The following ZNRF2 variants were observed in gnomAD, a reference collection of about 807,000 sequenced individuals.
ZNRF2 encodes the protein zinc and ring finger 2.
A neutral mutation model predicts 20.4 loss-of-function variants in ZNRF2; 16 were observed. That is an observed-to-expected ratio of 0.79 (90% CI 0.53 to 1.19). The LOEUF is 1.19. Ranked by LOEUF, ZNRF2 falls within the 50% of genes most tolerant of loss-of-function variation. The probability of loss-of-function intolerance (pLI) is 0.00; values close to 1 mark genes in which losing one functional copy is unlikely to be tolerated. For missense variants in ZNRF2, 363 were observed against 332.4 expected, an observed-to-expected ratio of 1.09 and a Z score of -0.72; for synonymous variants, 178 against 144.9, an observed-to-expected ratio of 1.23 and a Z score of -1.64.
chr7:30,325,138 A>G (rs915201918), intron 2 of ZNRF2, among the ~76,000 whole-genome samples: 1 of 152,220 alleles, frequency 6.6e-6, no homozygotes, highest in African/African-American at 2.4e-5. Context: ...TGGGGGGGAA[A>G]AATCAAGTAG....
chr7:30,363,821 GTTAAC>G (rs1371610073), intron 4 of ZNRF2, among the ~76,000 whole-genome samples: 1 of 151,968 alleles, frequency 6.6e-6, no homozygotes, highest in East Asian at 1.9e-4. Context: ...AAAAATAAAG[GTTAAC>G]TTAATTGCTA....
chr7:30,342,717 C>T (rs1225200933), intron 2 of ZNRF2, among the ~76,000 whole-genome samples: 5 of 151,922 alleles, frequency 3.3e-5, no homozygotes, highest in Admixed American at 6.6e-5. Flanking sequence ...ATTTTTCTTT[C>T]TTGTTTTTCA....
chr7:30,309,901 A>G (rs1302843703), intron 1 of ZNRF2, among the ~76,000 whole-genome samples: 3 of 152,200 alleles, frequency 2.0e-5, no homozygotes, highest in Non-Finnish European at 2.9e-5. Flanking sequence ...GAAGAAAACA[A>G]GATACATGGC....
intron 2 of ZNRF2, among the ~76,000 whole-genome samples, chr7:30,337,413 T>C: frequency 6.6e-6 from 1 of 152,204 alleles, no homozygotes; most frequent in East Asian, 1.9e-4. Flanking sequence ...ACTTTATTAC[T>C]CATAGCAATA....
intron 2 of ZNRF2, among the ~76,000 whole-genome samples, chr7:30,329,636 T>C (rs1654814550): frequency 6.6e-6 from 1 of 152,236 alleles, no homozygotes; most frequent in Admixed American, 6.5e-5. Flanking sequence ...ATGACAGATT[T>C]CATTCATTTG....
intron 2 of ZNRF2, among the ~76,000 whole-genome samples, chr7:30,354,126 T>C (rs1800000544): frequency 6.6e-6 from 1 of 151,430 alleles, no homozygotes; most frequent in South Asian, 2.1e-4. Context: ...CAGGATGGGG[T>C]AGGAGTAGTG....
chr7:30,289,664 G>A (rs1286829654), intron 1 of ZNRF2: 1 of 426,338 alleles, frequency 2.3e-6, no homozygotes, highest in Non-Finnish European at 4.8e-6. Context: ...TGTAAGTGTG[G>A]CCTGTGTCAT....
At chr7:30,333,173 C>A (rs1047786979) in intron 2 of ZNRF2, among the ~76,000 whole-genome samples, 1 of 151,374 alleles carries the variant, frequency 6.6e-6, no homozygotes, top group Admixed American at 6.6e-5. Flanking sequence ...CCTGCCTCAG[C>A]CTCCTGAGTA....
chr7:30,316,220 G>A (rs557402499), intron 1 of ZNRF2, among the ~76,000 whole-genome samples: 4 of 146,536 alleles, frequency 2.7e-5, no homozygotes, highest in Admixed American at 6.9e-5. Context: ...CCTGGGAAGC[G>A]GAGGTTGTGG....
At chr7:30,326,159 A>AG (rs1562613697) in intron 2 of ZNRF2, among the ~76,000 whole-genome samples, 1 of 152,018 alleles carries the variant, frequency 6.6e-6, no homozygotes, top group African/African-American at 2.4e-5. Context: ...TTTTAAGTTG[A>AG]GGGGTACATG....
At chr7:30,317,292 G>A (rs1799391140) in intron 1 of ZNRF2, among the ~76,000 whole-genome samples, 1 of 95,708 alleles carries the variant, frequency 1.0e-5, no homozygotes, top group Admixed American at 1.0e-4. Flanking sequence ...TGCCCCACAG[G>A]TATCAAATTT....
chr7:30,364,715 C>T (rs546217576), intron 4 of ZNRF2, among the ~76,000 whole-genome samples: 1 of 152,084 alleles, frequency 6.6e-6, no homozygotes, highest in African/African-American at 2.4e-5. Context: ...AAATTTTTGT[C>T]TTAGTATTTT....
chr7:30,348,079 A>G (rs1466883804), intron 2 of ZNRF2, among the ~76,000 whole-genome samples: 1 of 151,134 alleles, frequency 6.6e-6, no homozygotes, highest in Admixed American at 6.6e-5. Flanking sequence ...GCAAGCATTT[A>G]TTGGTAAACT....
chr7:30,294,270 T>C (rs1466608539), intron 1 of ZNRF2, among the ~76,000 whole-genome samples: 1 of 152,264 alleles, frequency 6.6e-6, no homozygotes, highest in Non-Finnish European at 1.5e-5. Flanking sequence ...CTGTGTTTAC[T>C]TCTTGTTACA....
intron 2 of ZNRF2, among the ~76,000 whole-genome samples, chr7:30,355,305 A>G (rs542359258): frequency 6.6e-6 from 1 of 152,162 alleles, no homozygotes; most frequent in Middle Eastern, 3.4e-3. Context: ...CAATTTTATT[A>G]TTTTATAATT....
Position 30,285,827 on chromosome 7 carries a change from G to A in ZNRF2, c.469+1G>A. 6.6e-7 allele frequency: 1 copy of A among 1,505,454 alleles called. No homozygotes were observed. The highest frequency in any genetic ancestry group is 1.3e-5 in the South Asian group (1 of 76,874). 93.3% of individuals were successfully genotyped at this position (1,505,454 alleles called of 1,614,324 possible). On this transcript the variant is annotated splice_donor_variant, in intron 1 of 4. Transcript: ENST00000323037. LOFTEE classifies it high-confidence loss of function. The stretch of plus-strand genomic sequence containing the variant: ...CACCTCTCGCCGCACATGTTTGGAG[G>A]TACGGACCCCTCTCCGCGCACCCGC...
chr7:30,317,817 TATTCTTTA>T (rs1799401117), intron 1 of ZNRF2, among the ~76,000 whole-genome samples: 1 of 152,226 alleles, frequency 6.6e-6, no homozygotes, highest in South Asian at 2.1e-4. Flanking sequence ...TTATGGTTAA[TATTCTTTA>T]GTTCTGTTAT....
chr7:30,342,905 G>GT, intron 2 of ZNRF2, among the ~76,000 whole-genome samples: 1 of 151,892 alleles, frequency 6.6e-6, no homozygotes, highest in Non-Finnish European at 1.5e-5. Context: ...TTTCCCCCTG[G>GT]TTTTGCTATT....
At chr7:30,301,942 C>G (rs927504377) in intron 1 of ZNRF2, among the ~76,000 whole-genome samples, 1 of 152,138 alleles carries the variant, frequency 6.6e-6, no homozygotes, top group African/African-American at 2.4e-5. Flanking sequence ...TTCACTGTTG[C>G]CACAGGGGTG....
Sources: gnomAD v4.1 joint callset for allele counts (sites outside exome capture counted in the v4.1 genomes callset) on GRCh38, gnomAD v4.1.1 for gene constraint, MANE v1.5 for transcripts, NCBI Gene and HGNC (gene_info 2026-07-23, HGNC 2026-07-21) for gene names.